Variants in ADGRL2 observed in about 807,000 individuals in gnomAD.
ADGRL2 encodes adhesion G protein-coupled receptor L2, also known as calcium-independent alpha-latrotoxin receptor 2.
In ADGRL2, 44 loss-of-function variants were observed where a neutral mutation model predicts 157.4. The ratio of observed to expected loss-of-function variants is 0.28; its 90% CI spans 0.22 to 0.36. The LOEUF is 0.36. ADGRL2 is among the 10% of genes least tolerant of loss of function. The pLI, the probability that ADGRL2 is intolerant of heterozygous loss-of-function variation, is 1.00. For synonymous variants in ADGRL2, 585 were observed against 624.7 expected (o/e 0.94, Z 0.95); for missense variants, 1,510 against 1,768.9 (o/e 0.85, Z 2.63).
At chr1:81,662,639 C>G (rs2082675920) in intron 3 of ADGRL2, among the ~76,000 whole-genome samples, 1 of 151,884 alleles carries the variant, frequency 6.6e-6, no homozygotes, top group Non-Finnish European at 1.5e-5. Flanking sequence ...ACTGCAACCT[C>G]CACCTCCCAG....
At chr1:81,822,710 G>A (rs2091107636) in intron 1 of ADGRL2, among the ~76,000 whole-genome samples, 1 of 151,946 alleles carries the variant, frequency 6.6e-6, no homozygotes, top group Non-Finnish European at 1.5e-5. Context: ...AAATTAGCAA[G>A]TATATTTAAT....
chr1:81,891,784 T>C (rs1439022449), intron 2 of ADGRL2, among the ~76,000 whole-genome samples: 1 of 152,096 alleles, frequency 6.6e-6, no homozygotes, highest in Non-Finnish European at 1.5e-5. Context: ...ATCTGTCTTT[T>C]GGTGGTTTTT....
chr1:81,775,158 C>T (rs1374801973), intron 2 of ADGRL2, among the ~76,000 whole-genome samples: 1 of 151,910 alleles, frequency 6.6e-6, no homozygotes, highest in African/African-American at 2.4e-5. Context: ...TTATCTGGTC[C>T]CCCATATTAT....
intron 2 of ADGRL2, among the ~76,000 whole-genome samples, chr1:81,570,874 A>G (rs1388009170): frequency 6.6e-6 from 1 of 152,162 alleles, no homozygotes; most frequent in Admixed American, 6.5e-5. Context: ...TTCACAGATT[A>G]CTTCTGTAAA....
intron 1 of ADGRL2, among the ~76,000 whole-genome samples, chr1:81,356,338 G>A (rs1281018719): frequency 6.6e-6 from 1 of 152,182 alleles, no homozygotes; most frequent in Non-Finnish European, 1.5e-5. Context: ...ACATAAAAAA[G>A]ATGTGGATCA....
At chr1:81,849,574 T>G (rs531108557) in intron 2 of ADGRL2, among the ~76,000 whole-genome samples, 57 of 151,956 alleles carry the variant, frequency 3.8e-4, no homozygotes, top group Non-Finnish European at 6.5e-4. Flanking sequence ...TGATGTAAAA[T>G]TGAAACCCTT....
At chr1:81,715,178 AAT>A (rs761618046) in intron 1 of ADGRL2, among the ~76,000 whole-genome samples, 9,849 of 62,622 alleles carry the variant, frequency 0.16, 393 homozygotes, top group Non-Finnish European at 0.2. Context: ...TAATTTAGTA[AAT>A]TTTTTTTTTT....
chr1:81,426,142 C>T (rs1370723604), intron 1 of ADGRL2, among the ~76,000 whole-genome samples: 1 of 152,160 alleles, frequency 6.6e-6, no homozygotes, highest in African/African-American at 2.4e-5. Flanking sequence ...GAAGAATAGG[C>T]AGTCATGTAG....
intron 2 of ADGRL2, among the ~76,000 whole-genome samples, chr1:81,449,832 C>A (rs1429980590): frequency 2.6e-5 from 4 of 152,148 alleles, no homozygotes; most frequent in Non-Finnish European, 5.9e-5. Flanking sequence ...CTCAAGCCAT[C>A]CTCCCATTTC....
chr1:81,426,889 T>G, intron 1 of ADGRL2: 2 of 658,092 alleles, frequency 3.0e-6, no homozygotes, highest in Non-Finnish European at 5.6e-6. Flanking sequence ...GAGACTACTT[T>G]GAAAAGTATG....
At chr1:81,948,215 C>CA (rs199847998) in intron 6 of ADGRL2, among the ~76,000 whole-genome samples, 49,575 of 119,842 alleles carry the variant, frequency 0.41, 9,042 homozygotes, top group Middle Eastern at 0.5. Flanking sequence ...GACTCCATCT[C>CA]AAAAAAAAAA....
At chr1:81,926,399 G>C (rs2148686249) in intron 3 of ADGRL2, among the ~76,000 whole-genome samples, 1 of 152,068 alleles carries the variant, frequency 6.6e-6, no homozygotes, top group Non-Finnish European at 1.5e-5. Context: ...TTGGCTCCAA[G>C]GCTCTGCAAG....
intron 4 of ADGRL2, among the ~76,000 whole-genome samples, chr1:81,939,649 C>T (rs936316200): frequency 1.3e-5 from 2 of 151,388 alleles, no homozygotes; most frequent in African/African-American, 4.8e-5. Context: ...GTTCGTGGGT[C>T]ATATACTTGT....
intron 1 of ADGRL2, among the ~76,000 whole-genome samples, chr1:81,378,175 C>A (rs2076282718): frequency 1.0e-5 from 1 of 96,056 alleles, no homozygotes; most frequent in African/African-American, 3.4e-5. Flanking sequence ...GAGACTCTGT[C>A]TCAAAAAAAA....
chr1:81,852,682 A>G (rs1244104294), intron 2 of ADGRL2, among the ~76,000 whole-genome samples: 1 of 152,002 alleles, frequency 6.6e-6, no homozygotes, highest in Non-Finnish European at 1.5e-5. Flanking sequence ...CTGATGTGCC[A>G]TGCTGCCTCT....
intron 2 of ADGRL2, among the ~76,000 whole-genome samples, chr1:81,853,142 C>T (rs962971679): frequency 2.0e-5 from 3 of 152,124 alleles, no homozygotes; most frequent in Non-Finnish European, 2.9e-5. Flanking sequence ...AATTGACAGG[C>T]AGACAGAATG....
chr1:81,372,613 T>C (rs2076180067), intron 1 of ADGRL2, among the ~76,000 whole-genome samples: 1 of 152,238 alleles, frequency 6.6e-6, no homozygotes. Context: ...AGTTGATTAG[T>C]TTATTTTCTC....
At chr1:81,792,144 A>T (rs2087380358) in intron 2 of ADGRL2, among the ~76,000 whole-genome samples, 1 of 152,238 alleles carries the variant, frequency 6.6e-6, no homozygotes, top group South Asian at 2.1e-4. Flanking sequence ...ATGACTGCTG[A>T]ATAACTGCCT....
intron 2 of ADGRL2, among the ~76,000 whole-genome samples, chr1:81,484,503 T>C (rs920883898): frequency 2.2e-4 from 33 of 152,182 alleles, no homozygotes; most frequent in African/African-American, 7.0e-4. Flanking sequence ...TAAACAACAC[T>C]TGGAAGGATT....
Sources: gnomAD v4.1 joint callset for allele counts (sites outside exome capture counted in the v4.1 genomes callset) on GRCh38, gnomAD v4.1.1 for gene constraint, MANE v1.5 for transcripts, NCBI Gene and HGNC (gene_info 2026-07-23, HGNC 2026-07-21) for gene names.